Variants in DISC1 observed in about 807,000 individuals in gnomAD.
DISC1 encodes the protein disrupted in schizophrenia 1 protein.
DISC1 carries 57 observed loss-of-function variants against 84.5 expected under a neutral mutation model. That is an observed-to-expected ratio of 0.67 (90% confidence interval 0.55 to 0.84). The LOEUF (loss-of-function observed/expected upper bound fraction) is 0.84, where lower values mean the gene tolerates loss of function less well. DISC1 is among the 40% of genes least tolerant of loss of function. DISC1 has a pLI of 0.00. For synonymous variants in DISC1, 411 were observed against 415.2 expected, an observed-to-expected ratio of 0.99 and a Z score of 0.12; for missense variants, 1,000 against 1,057.8, an observed-to-expected ratio of 0.95 and a Z score of 0.76.
At chr1:232,017,601 G>A (rs1166644189) in intron 11 of DISC1, among the ~76,000 whole-genome samples, 3 of 151,378 alleles carry the variant, frequency 2.0e-5, no homozygotes, top group Admixed American at 1.3e-4. Context: ...TTACACAGCC[G>A]AAGGAAATAA....
intron 7 of DISC1, among the ~76,000 whole-genome samples, chr1:231,798,110 A>AC (rs1181491406): frequency 1.9e-3 from 54 of 28,372 alleles, no homozygotes; most frequent in Middle Eastern, 0.025. Flanking sequence ...TGTGTTAGAC[A>AC]CACCACACAC....
chr1:231,711,694 A>G (rs1447386938), intron 3 of DISC1, among the ~76,000 whole-genome samples: 1 of 152,146 alleles, frequency 6.6e-6, no homozygotes, highest in Non-Finnish European at 1.5e-5. Context: ...ATAGGCAGAG[A>G]CACAAATTAA....
chr1:231,652,787 C>CT (rs917612704), intron 1 of DISC1, among the ~76,000 whole-genome samples: 1 of 151,926 alleles, frequency 6.6e-6, no homozygotes, highest in African/African-American at 2.4e-5. Flanking sequence ...TTTCTTTCTT[C>CT]TTTTTTTTCT....
chr1:231,939,985 CA>C (rs2091217716), intron 9 of DISC1, among the ~76,000 whole-genome samples: 1 of 152,108 alleles, frequency 6.6e-6, no homozygotes, highest in African/African-American at 2.4e-5. Context: ...TCAGGTGATC[CA>C]CCCACTTCAG....
At chr1:231,889,983 G>C (rs200246693) in intron 9 of DISC1, among the ~76,000 whole-genome samples, 18 of 152,146 alleles carry the variant, frequency 1.2e-4, no homozygotes, top group Non-Finnish European at 2.5e-4. Flanking sequence ...AATACCGAAG[G>C]GAGGTGTGGT....
intron 7 of DISC1, among the ~76,000 whole-genome samples, chr1:231,799,521 G>C (rs1190032123): frequency 6.6e-6 from 1 of 151,956 alleles, no homozygotes; most frequent in Middle Eastern, 3.2e-3. Flanking sequence ...ATCAAGCGGA[G>C]GGAGGGCCAA....
chr1:231,853,422 G>C (rs1276122372), intron 9 of DISC1, among the ~76,000 whole-genome samples: 1 of 152,210 alleles, frequency 6.6e-6, no homozygotes, highest in African/African-American at 2.4e-5. Flanking sequence ...AAGCTGTGCA[G>C]ATGTGACTGT....
chr1:231,985,909 G>A (rs140935531), intron 10 of DISC1, among the ~76,000 whole-genome samples: 31 of 152,274 alleles, frequency 2.0e-4, no homozygotes, highest in African/African-American at 7.2e-4. Flanking sequence ...GGTAGAAAAG[G>A]AGACTTTGAA....
intron 1 of DISC1, among the ~76,000 whole-genome samples, chr1:231,673,915 C>G (rs1391973549): frequency 6.6e-6 from 1 of 152,122 alleles, no homozygotes; most frequent in Admixed American, 6.6e-5. Context: ...GAGTTTAGTC[C>G]TATGCTCTAA....
At chr1:231,853,545 A>C (rs1043934327) in intron 9 of DISC1, among the ~76,000 whole-genome samples, 1 of 152,258 alleles carries the variant, frequency 6.6e-6, no homozygotes, top group Admixed American at 6.5e-5. Context: ...CCACCATCAC[A>C]TACATGGTCT....
At chr1:231,678,426 A>G (rs1246753814) in intron 1 of DISC1, among the ~76,000 whole-genome samples, 1 of 152,214 alleles carries the variant, frequency 6.6e-6, no homozygotes, top group Admixed American at 6.5e-5. Context: ...AAGATCATCT[A>G]TAGACTGAGA....
intron 9 of DISC1, among the ~76,000 whole-genome samples, chr1:231,847,646 A>G (rs1162192932): frequency 6.6e-6 from 1 of 151,976 alleles, no homozygotes; most frequent in Non-Finnish European, 1.5e-5. Context: ...GCTTGTTCAC[A>G]CCTTCAGGGT....
At chr1:231,882,638 G>A (rs1558687371) in intron 9 of DISC1, among the ~76,000 whole-genome samples, 2 of 152,042 alleles carry the variant, frequency 1.3e-5, no homozygotes, top group Non-Finnish European at 2.9e-5. Flanking sequence ...TACCTTATTT[G>A]CTGTCTATGC....
chr1:231,637,545 T>A (rs2059302213), intron 1 of DISC1, among the ~76,000 whole-genome samples: 1 of 152,202 alleles, frequency 6.6e-6, no homozygotes, highest in Admixed American at 6.5e-5. Flanking sequence ...ACTTTCTACA[T>A]CCACGTGTGG....
intron 12 of DISC1, among the ~76,000 whole-genome samples, chr1:232,036,351 C>T (rs768450303): frequency 3.3e-5 from 5 of 152,132 alleles, no homozygotes; most frequent in Non-Finnish European, 7.4e-5. Context: ...GTTGCCCCAC[C>T]CCAACTTGGG....
intron 8 of DISC1, among the ~76,000 whole-genome samples, chr1:231,801,559 A>G (rs926649268): frequency 1.4e-4 from 21 of 152,132 alleles, no homozygotes; most frequent in African/African-American, 5.1e-4. Context: ...CTGCTGAAGG[A>G]TGACCTGAAT....
chr1:231,756,529 GA>G (rs2075147265), intron 4 of DISC1, among the ~76,000 whole-genome samples: 1 of 92,214 alleles, frequency 1.1e-5, no homozygotes, highest in Admixed American at 9.3e-5. Context: ...GAGAGAGAGA[GA>G]GAGAGAGAGA....
intron 11 of DISC1, among the ~76,000 whole-genome samples, chr1:232,025,597 CTTTTT>C (rs35161490): frequency 7.5e-6 from 1 of 132,488 alleles, no homozygotes; most frequent in Non-Finnish European, 1.6e-5. Context: ...TCATCCTGCT[CTTTTT>C]TTTTTTTTTT....
At chr1:232,026,873 T>C (rs1669525326) in intron 12 of DISC1, among the ~76,000 whole-genome samples, 2 of 150,064 alleles carry the variant, frequency 1.3e-5, no homozygotes, top group Non-Finnish European at 3.0e-5. Context: ...CTCAGCCTCC[T>C]GAGTAGCTGG....
Sources: allele counts gnomAD v4.1 joint callset (sites outside exome capture counted in the v4.1 genomes callset), GRCh38; gene constraint gnomAD v4.1.1; transcripts MANE v1.5; gene names NCBI Gene and HGNC (gene_info 2026-07-23, HGNC 2026-07-21).